Variants in NEGR1 observed in about 807,000 individuals in gnomAD.
The protein encoded by NEGR1 is IgLON family member 4.
Under a neutral mutation model 40.9 loss-of-function variants are expected in NEGR1, and 10 were observed. That is an observed-to-expected ratio of 0.24 (90% CI 0.15 to 0.42). NEGR1 has a LOEUF of 0.42. Among genes scored for constraint, NEGR1 ranks in the 10% least tolerant of loss-of-function variants. The probability of loss-of-function intolerance (pLI) is 1.00; values close to 1 mark genes in which losing one functional copy is unlikely to be tolerated. For synonymous variants in NEGR1, 185 were observed against 166.8 expected (o/e 1.11, Z -0.84); for missense variants, 352 against 438.9 (o/e 0.80, Z 1.77).
chr1:72,264,704 A>C (rs993778056), intron 1 of NEGR1, among the ~76,000 whole-genome samples: 1 of 150,850 alleles, frequency 6.6e-6, no homozygotes, highest in African/African-American at 2.4e-5. Context: ...TATGATATTT[A>C]AATGAATTAC....
At chr1:72,162,802 G>A (rs1651624692) in intron 1 of NEGR1, among the ~76,000 whole-genome samples, 1 of 152,142 alleles carries the variant, frequency 6.6e-6, no homozygotes. Flanking sequence ...CATGCAGACT[G>A]CAGAGGATAG....
chr1:71,526,149 A>G (rs1647213656), intron 6 of NEGR1, among the ~76,000 whole-genome samples: 1 of 151,428 alleles, frequency 6.6e-6, no homozygotes, highest in African/African-American at 2.4e-5. Context: ...TTAATCAACT[A>G]ATTATGGATA....
At chr1:72,054,368 T>G (rs1647091487) in intron 1 of NEGR1, among the ~76,000 whole-genome samples, 1 of 151,366 alleles carries the variant, frequency 6.6e-6, no homozygotes, top group South Asian at 2.1e-4. Context: ...CCTTTGACTT[T>G]TTAGAACTAT....
chr1:71,600,591 G>A (rs1649883194), intron 5 of NEGR1, among the ~76,000 whole-genome samples: 1 of 152,188 alleles, frequency 6.6e-6, no homozygotes, highest in Non-Finnish European at 1.5e-5. Context: ...AACATGTGAA[G>A]AGGCCTGAAA....
At chr1:72,271,106 C>A (rs774793575) in intron 1 of NEGR1, among the ~76,000 whole-genome samples, 1 of 151,812 alleles carries the variant, frequency 6.6e-6, no homozygotes. Flanking sequence ...CTGGTTACTT[C>A]CATTCTGGAT....
At chr1:71,625,776 T>C (rs1262088318) in intron 4 of NEGR1, among the ~76,000 whole-genome samples, 1 of 151,898 alleles carries the variant, frequency 6.6e-6, no homozygotes, top group Non-Finnish European at 1.5e-5. Context: ...ACATATCGTG[T>C]GCCTCTAACA....
At chr1:71,929,099 A>G (rs1645829995) in intron 2 of NEGR1, among the ~76,000 whole-genome samples, 1 of 152,086 alleles carries the variant, frequency 6.6e-6, no homozygotes, top group South Asian at 2.1e-4. Flanking sequence ...GATAACAGGT[A>G]TTTATCATAT....
intron 1 of NEGR1, among the ~76,000 whole-genome samples, chr1:72,201,920 T>A (rs1036452110): frequency 2.6e-5 from 4 of 151,948 alleles, no homozygotes; most frequent in Admixed American, 6.6e-5. Context: ...CTTTTCTTTG[T>A]TATGCTTTGC....
intron 1 of NEGR1, among the ~76,000 whole-genome samples, chr1:72,049,059 A>T (rs1270289516): frequency 2.0e-5 from 3 of 151,580 alleles, no homozygotes; most frequent in African/African-American, 7.3e-5. Flanking sequence ...TCTCTGAGGA[A>T]GTGACATTTA....
intron 6 of NEGR1, among the ~76,000 whole-genome samples, chr1:71,540,497 G>A (rs1570005214): frequency 6.6e-6 from 1 of 151,728 alleles, no homozygotes; most frequent in East Asian, 2.0e-4. Context: ...ATTATAGAGA[G>A]GAATGGCTTT....
At chr1:71,912,327 T>C (rs1001016725) in intron 2 of NEGR1, among the ~76,000 whole-genome samples, 4 of 152,184 alleles carry the variant, frequency 2.6e-5, no homozygotes, top group African/African-American at 7.2e-5. Flanking sequence ...CTCATAACTC[T>C]GATCTGTTTT....
intron 1 of NEGR1, among the ~76,000 whole-genome samples, chr1:71,939,641 A>G (rs1645941171): frequency 6.6e-6 from 1 of 152,148 alleles, no homozygotes. Context: ...TAAGTGAAGA[A>G]CTAAGCTAAG....
At position 71,698,011 on chromosome 1, in the gene NEGR1, T is replaced by C; in HGVS notation, c.664A>G (p.Asn222Asp). 6.2e-7 allele frequency: 1 copy of C among 1,610,816 alleles called. No homozygotes were observed. The change falls in exon 4 of 7, where the codon AAC (asparagine) becomes GAC (aspartate). Residue 222 changes from asparagine (N) to aspartate (D), a missense_variant. This residue lies in a region of NEGR1 where 184 missense variants were observed against 208.7 expected (regional missense o/e 0.88). Transcript: ENST00000357731. ...PDVRKVKVVV[N>D]FAPTIQEIKS... ...GATAAAAGGTGATGACACTTACAGT[T>C]GACAACAACTTTTACTTTCCTCACA...
intron 1 of NEGR1, among the ~76,000 whole-genome samples, chr1:72,230,142 T>G (rs570114416): frequency 1.1e-4 from 17 of 152,234 alleles, no homozygotes; most frequent in African/African-American, 4.1e-4. Flanking sequence ...CCAAAGTTCA[T>G]GCCAAAAGTT....
chr1:71,824,646 T>C (rs1658552899), intron 2 of NEGR1, among the ~76,000 whole-genome samples: 1 of 151,946 alleles, frequency 6.6e-6, no homozygotes, highest in African/African-American at 2.4e-5. Context: ...AATATTTCCA[T>C]TCACTCCAGT....
chr1:71,676,046 T>C (rs1026182839), intron 4 of NEGR1, among the ~76,000 whole-genome samples: 2 of 152,202 alleles, frequency 1.3e-5, no homozygotes, highest in Non-Finnish European at 2.9e-5. Flanking sequence ...AATTCAGTTA[T>C]TACATTTGCA....
At chr1:71,898,621 CAAAG>C (rs972018349) in intron 2 of NEGR1, among the ~76,000 whole-genome samples, 62 of 150,972 alleles carry the variant, frequency 4.1e-4, no homozygotes, top group African/African-American at 1.4e-3. Context: ...TCTCAAAAAA[CAAAG>C]AAACAAAAGA....
intron 1 of NEGR1, among the ~76,000 whole-genome samples, chr1:71,941,559 G>T (rs1040322727): frequency 1.3e-5 from 2 of 152,072 alleles, no homozygotes; most frequent in Non-Finnish European, 2.9e-5. Context: ...TGTGGCAGAG[G>T]TGGAAGACAG....
At chr1:71,778,428 T>C (rs1163169471) in intron 2 of NEGR1, among the ~76,000 whole-genome samples, 2 of 152,182 alleles carry the variant, frequency 1.3e-5, no homozygotes. Context: ...TGGTTAAGTG[T>C]CTGAGCACGT....
Sources: gnomAD v4.1 joint callset for allele counts (sites outside exome capture counted in the v4.1 genomes callset) on GRCh38, gnomAD v4.1.1 for gene constraint, gnomAD v4.1.1 regional missense constraint, MANE v1.5 for transcripts, NCBI Gene and HGNC (gene_info 2026-07-23, HGNC 2026-07-21) for gene names.